The following SMYD1 variants were observed in gnomAD, a reference collection of about 807,000 sequenced individuals.
SMYD1 encodes histone-lysine N-methyltransferase SMYD1.
SMYD1 carries 49 observed loss-of-function variants against 54.0 expected under a neutral mutation model. That is an observed-to-expected ratio of 0.91 (90% CI 0.72 to 1.15). SMYD1 has a LOEUF of 1.15. Ranked by LOEUF, SMYD1 falls within the 50% of genes most tolerant of loss-of-function variation. The pLI, the probability that SMYD1 is intolerant of heterozygous loss-of-function variation, is 0.00. For synonymous variants in SMYD1, 269 were observed against 234.2 expected (o/e 1.15, Z -1.36); for missense variants, 653 against 639.6 (o/e 1.02, Z -0.23).
intron 7 of SMYD1, among the ~76,000 whole-genome samples, chr2:88,103,599 A>G (rs1414480081): frequency 4.6e-5 from 7 of 152,140 alleles, no homozygotes; most frequent in African/African-American, 1.7e-4. Context: ...CTGGCTCTAC[A>G]CTAGAATCAC....
At chr2:88,081,440 C>CT (rs1165739190) in intron 1 of SMYD1, among the ~76,000 whole-genome samples, 10,414 of 140,240 alleles carry the variant, frequency 0.074, 445 homozygotes, top group South Asian at 0.15. Flanking sequence ...CTAATTTTTT[C>CT]TTTTTTTTTT....
chr2:88,077,174 C>T (rs986502730), intron 1 of SMYD1, among the ~76,000 whole-genome samples: 1 of 152,216 alleles, frequency 6.6e-6, no homozygotes, highest in Non-Finnish European at 1.5e-5. Flanking sequence ...GGCACCTTGT[C>T]TTTGCATTTA....
chr2:88,106,613 C>G (rs1707269635), intron 8 of SMYD1, 125 bp downstream of exon 8: 1 of 990,144 alleles, frequency 1.0e-6, no homozygotes, highest in Non-Finnish European at 1.5e-6. Context: ...AGTAATCCAT[C>G]ATGGTTCTCT....
chr2:88,103,744 A>G (rs1275557597), intron 7 of SMYD1, among the ~76,000 whole-genome samples: 1 of 152,180 alleles, frequency 6.6e-6, no homozygotes, highest in African/African-American at 2.4e-5. Flanking sequence ...ACCCACTGCC[A>G]AACACTGGCC....
intron 6 of SMYD1, 109 bp downstream of exon 6, chr2:88,096,893 C>A: frequency 1.8e-6 from 2 of 1,101,372 alleles, no homozygotes; most frequent in Non-Finnish European, 2.6e-6. Flanking sequence ...TCCTAGGGAG[C>A]AACTGTCACC....
chr2:88,105,311 C>T (rs550641849), intron 7 of SMYD1, among the ~76,000 whole-genome samples: 1 of 152,050 alleles, frequency 6.6e-6, no homozygotes, highest in African/African-American at 2.4e-5. Flanking sequence ...ATTAGTAGTA[C>T]TCATCTCAAT....
chr2:88,101,978 A>G (rs1416567782), intron 6 of SMYD1, among the ~76,000 whole-genome samples: 1 of 152,104 alleles, frequency 6.6e-6, no homozygotes, highest in Non-Finnish European at 1.5e-5. Context: ...GTCATTAAGT[A>G]TTTTAAATAT....
chr2:88,096,905 T>A (rs1674602844), intron 6 of SMYD1, 121 bp downstream of exon 6: 1 of 990,702 alleles, frequency 1.0e-6, no homozygotes, highest in Admixed American at 2.8e-5. Flanking sequence ...ACTGTCACCC[T>A]GGGGAGGAGG....
intron 1 of SMYD1, among the ~76,000 whole-genome samples, chr2:88,068,778 A>G (rs1260263075): frequency 6.6e-6 from 1 of 152,180 alleles, no homozygotes; most frequent in Non-Finnish European, 1.5e-5. Context: ...AGCTATCCAT[A>G]TAGATTCATA....
At chr2:88,084,563 T>A (rs1029000996) in intron 2 of SMYD1, 71 bp downstream of exon 2, 39 of 1,444,810 alleles carry the variant, frequency 2.7e-5, no homozygotes, top group Non-Finnish European at 3.6e-5. Context: ...AGTAACAACA[T>A]TCCCAGATCT....
intron 5 of SMYD1, among the ~76,000 whole-genome samples, chr2:88,094,306 T>A (rs1674527587): frequency 6.6e-6 from 1 of 152,244 alleles, no homozygotes. Flanking sequence ...AGGAGAGTGC[T>A]CTAGGGACCT....
chr2:88,109,623 T>C (rs955211490), intron 9 of SMYD1, among the ~76,000 whole-genome samples: 1 of 152,198 alleles, frequency 6.6e-6, no homozygotes, highest in African/African-American at 2.4e-5. Flanking sequence ...TTTGGTGTTA[T>C]AAAATGTAGG....
chr2:88,083,867 C>T (rs552950490), intron 1 of SMYD1, among the ~76,000 whole-genome samples: 1 of 152,218 alleles, frequency 6.6e-6, no homozygotes, highest in African/African-American at 2.4e-5. Context: ...GAGGCTGAGG[C>T]GGGTGGATCA....
intron 9 of SMYD1, among the ~76,000 whole-genome samples, chr2:88,109,023 C>T (rs1001817033): frequency 6.6e-5 from 10 of 152,166 alleles, no homozygotes; most frequent in African/African-American, 1.2e-4. Context: ...GACTCAAGCA[C>T]GTCTACCAGG....
chr2:88,083,456 C>T (rs2103987792), intron 1 of SMYD1, among the ~76,000 whole-genome samples: 1 of 152,210 alleles, frequency 6.6e-6, no homozygotes, highest in East Asian at 1.9e-4. Flanking sequence ...TCCCACACCT[C>T]TCTCCCTCAC....
chr2:88,097,885 C>T (rs190578987), intron 6 of SMYD1, among the ~76,000 whole-genome samples: 256 of 152,162 alleles, frequency 1.7e-3, no homozygotes, highest in Non-Finnish European at 3.0e-3. Context: ...GGAGGACCAG[C>T]GATGCCTGGG....
chr2:88,096,925 A>C (rs375090622), intron 6 of SMYD1, 141 bp downstream of exon 6: 3 of 814,472 alleles, frequency 3.7e-6, no homozygotes, highest in East Asian at 2.7e-5. Context: ...GCAGGGCATG[A>C]GAGCAGAGCA....
At chr2:88,078,003 G>T (rs1674108232) in intron 1 of SMYD1, among the ~76,000 whole-genome samples, 1 of 152,194 alleles carries the variant, frequency 6.6e-6, no homozygotes, top group African/African-American at 2.4e-5. Context: ...GGGATTACAG[G>T]CATGAGGCAC....
At chr2:88,104,060 A>G (rs563951496) in intron 7 of SMYD1, among the ~76,000 whole-genome samples, 86 of 148,704 alleles carry the variant, frequency 5.8e-4, no homozygotes, top group Admixed American at 1.4e-3. Flanking sequence ...TCTGCCTCCC[A>G]GGTTCACGCC....
Sources: allele counts gnomAD v4.1 joint callset (sites outside exome capture counted in the v4.1 genomes callset), GRCh38; gene constraint gnomAD v4.1.1; transcripts MANE v1.5; gene names NCBI Gene and HGNC (gene_info 2026-07-23, HGNC 2026-07-21).